The following SLC5A8 variants were observed in gnomAD, a reference collection of about 807,000 sequenced individuals.
The protein encoded by SLC5A8 is solute carrier family 5 member 8.
In SLC5A8, 55 loss-of-function variants were observed where a neutral mutation model predicts 71.9. The ratio of observed to expected loss-of-function variants is 0.77; its 90% CI spans 0.62 to 0.96. The LOEUF (loss-of-function observed/expected upper bound fraction) is 0.96. Among genes scored for constraint, SLC5A8 ranks in the 40% least tolerant of loss-of-function variants. The probability of loss-of-function intolerance (pLI) is 0.00; values close to 1 mark genes in which losing one functional copy is unlikely to be tolerated. For synonymous variants in SLC5A8, 307 were observed against 276.1 expected, an observed-to-expected ratio of 1.11 and a Z score of -1.11; for missense variants, 701 against 745.3, an observed-to-expected ratio of 0.94 and a Z score of 0.69.
In SLC5A8 at chr12:101,156,634, CA is replaced by C; in HGVS notation, c.*644del. On this transcript the variant is annotated 3_prime_UTR_variant, in exon 15 of 15. Coordinates refer to ENST00000536262, the MANE Select transcript of SLC5A8 (RefSeq NM_145913.5). ...AGCCCAGAAACTCTAGAAAACAAGC[CA>C]AAAGGCACAAGAATTAATGAACAGC... 1 of 152,272 alleles carries C rather than the reference CA, an allele frequency of 6.6e-6. No homozygotes were observed. Among genetic ancestry groups the C allele is most frequent in the African/African-American group, 2.4e-5 (1 of 41,548 alleles). The allele number at this position is 152,272 out of a possible 1,614,324, so 9.4% of individuals were successfully genotyped here.
chr12:101,162,866 C>T (rs2051736916), intron 12 of SLC5A8, among the ~76,000 whole-genome samples: 1 of 152,104 alleles, frequency 6.6e-6, no homozygotes, highest in Non-Finnish European at 1.5e-5. Context: ...ATAGTTTATA[C>T]TCTAATGGAG....
chr12:101,206,431 G>C (rs1301832780), intron 1 of SLC5A8, among the ~76,000 whole-genome samples: 2 of 152,142 alleles, frequency 1.3e-5, no homozygotes, highest in Non-Finnish European at 2.9e-5. Context: ...CAAATTGCTG[G>C]AGACCCAAAT....
intron 11 of SLC5A8, among the ~76,000 whole-genome samples, chr12:101,167,148 A>G (rs952910367): frequency 5.9e-5 from 9 of 152,176 alleles, no homozygotes; most frequent in Non-Finnish European, 1.3e-4. Context: ...TTTTAAATAC[A>G]TTTTTCTAAT....
At chr12:101,195,479 A>C (rs1869129311) in intron 3 of SLC5A8, among the ~76,000 whole-genome samples, 1 of 152,156 alleles carries the variant, frequency 6.6e-6, no homozygotes, top group African/African-American at 2.4e-5. Flanking sequence ...CTCTCTCCCG[A>C]TTAGACGCGG....
intron 1 of SLC5A8, among the ~76,000 whole-genome samples, chr12:101,208,827 C>G (rs1294497580): frequency 1.3e-5 from 2 of 152,178 alleles, no homozygotes; most frequent in Admixed American, 6.5e-5. Context: ...AATGCTACAC[C>G]TTGCATCATC....
intron 1 of SLC5A8, among the ~76,000 whole-genome samples, chr12:101,205,462 G>T (rs536709137): frequency 1.5e-3 from 224 of 152,224 alleles, no homozygotes; most frequent in African/African-American, 5.2e-3. Flanking sequence ...ACAGAGTTAG[G>T]ATCATAGAAT....
chr12:101,181,804 G>T (rs1400256103), intron 9 of SLC5A8, among the ~76,000 whole-genome samples: 2 of 152,070 alleles, frequency 1.3e-5, no homozygotes, highest in African/African-American at 4.8e-5. Context: ...TTAAAATTGG[G>T]TACATAATAA....
chr12:101,173,905 G>A (rs780163870), intron 10 of SLC5A8, among the ~76,000 whole-genome samples: 6 of 152,142 alleles, frequency 3.9e-5, no homozygotes, highest in Non-Finnish European at 7.4e-5. Context: ...TCTTCAAGCC[G>A]GGGCATCCTC....
chr12:101,160,707 T>G (rs895706897), intron 13 of SLC5A8, among the ~76,000 whole-genome samples: 1 of 152,138 alleles, frequency 6.6e-6, no homozygotes, highest in African/African-American at 2.4e-5. Context: ...CTACAGACTA[T>G]TCTCAAAATT....
At chr12:101,184,328 A>G in intron 7 of SLC5A8, 106 bp from the exon 8 acceptor site, 1 of 890,044 alleles carries the variant, frequency 1.1e-6, no homozygotes, top group Admixed American at 2.5e-5. Flanking sequence ...GAAAGGAGTT[A>G]TTCCACACAA....
chr12:101,200,055 G>GAAAAAAAAAAAAAAAA (rs1869386065), intron 3 of SLC5A8, among the ~76,000 whole-genome samples: 1 of 27,482 alleles, frequency 3.6e-5, no homozygotes, highest in Non-Finnish European at 6.6e-5. Context: ...AAAAAAAAAA[G>GAAAAAAAAAAAAAAAA]GGAATGAACT....
chr12:101,157,651 A>G (rs1206343512), intron 14 of SLC5A8, among the ~76,000 whole-genome samples: 1 of 152,176 alleles, frequency 6.6e-6, no homozygotes, highest in African/African-American at 2.4e-5. Context: ...ATATCAGAGG[A>G]TAGACAGATA....
chr12:101,186,175 C>T (rs1482054955), intron 7 of SLC5A8, among the ~76,000 whole-genome samples: 2 of 147,542 alleles, frequency 1.4e-5, no homozygotes, highest in South Asian at 2.2e-4. Context: ...AAACTACAGA[C>T]AATACAGATT....
At chr12:101,199,976 T>A (rs1217881797) in intron 3 of SLC5A8, among the ~76,000 whole-genome samples, 1 of 77,066 alleles carries the variant, frequency 1.3e-5, no homozygotes, top group Non-Finnish European at 2.6e-5. Flanking sequence ...GATAAAAAAA[T>A]GTTGGTAGAG....
At chr12:101,192,971 C>CTTTTTTT (rs35246165) in intron 5 of SLC5A8, among the ~76,000 whole-genome samples, 1 of 125,950 alleles carries the variant, frequency 7.9e-6, no homozygotes, top group Non-Finnish European at 1.6e-5. Flanking sequence ...TACCTTTTCT[C>CTTTTTTT]TTTTTTTTTT....
At chr12:101,177,966 A>G (rs1019804825) in intron 10 of SLC5A8, among the ~76,000 whole-genome samples, 1 of 152,196 alleles carries the variant, frequency 6.6e-6, no homozygotes. Context: ...AAGACTGTTT[A>G]TGTAGAATAT....
intron 3 of SLC5A8, among the ~76,000 whole-genome samples, chr12:101,198,129 TA>T (rs2137164058): frequency 6.6e-6 from 1 of 151,954 alleles, no homozygotes; most frequent in East Asian, 1.9e-4. Flanking sequence ...GAGAACTAAA[TA>T]AAAACACAAG....
At chr12:101,194,869 C>G (rs1050078354) in intron 4 of SLC5A8, among the ~76,000 whole-genome samples, 7 of 152,122 alleles carry the variant, frequency 4.6e-5, no homozygotes, top group African/African-American at 1.7e-4. Flanking sequence ...GATTAGGAAC[C>G]ATTGCAATGG....
intron 7 of SLC5A8, among the ~76,000 whole-genome samples, chr12:101,185,451 G>T (rs531338071): frequency 6.6e-6 from 1 of 152,214 alleles, no homozygotes; most frequent in Non-Finnish European, 1.5e-5. Context: ...TAGAACCAAT[G>T]AAATAGGATT....
Sources: allele counts gnomAD v4.1 joint callset (sites outside exome capture counted in the v4.1 genomes callset), GRCh38; gene constraint gnomAD v4.1.1; transcripts MANE v1.5; gene names NCBI Gene and HGNC (gene_info 2026-07-23, HGNC 2026-07-21).